GPC6: variants seen among roughly 807,000 people sequenced by gnomAD.
GPC6 encodes the protein glypican 6.
Under a neutral mutation model 55.2 loss-of-function variants are expected in GPC6, and 14 were observed. That is an observed-to-expected ratio of 0.25 (90% CI 0.17 to 0.40). GPC6 has a LOEUF of 0.40. GPC6 is among the 10% of genes least tolerant of loss of function. The pLI, the probability that GPC6 is intolerant of heterozygous loss-of-function variation, is 1.00. For missense variants in GPC6, 641 were observed against 708.5 expected, an observed-to-expected ratio of 0.90 and a Z score of 1.08; for synonymous variants, 278 against 259.6, an observed-to-expected ratio of 1.07 and a Z score of -0.68.
intron 2 of GPC6, among the ~76,000 whole-genome samples, chr13:93,747,908 C>T (rs999596108): frequency 4.6e-5 from 7 of 152,224 alleles, no homozygotes; most frequent in African/African-American, 9.6e-5. Flanking sequence ...TCCTAGACTG[C>T]GGGCCTTTCA....
chr13:94,183,915 G>A (rs923247858), intron 4 of GPC6, among the ~76,000 whole-genome samples: 14 of 152,184 alleles, frequency 9.2e-5, no homozygotes, highest in Admixed American at 8.5e-4. Flanking sequence ...ATAGACCACT[G>A]TAACAAAATA....
chr13:94,338,944 T>C (rs1401524469), intron 6 of GPC6, among the ~76,000 whole-genome samples: 2 of 152,186 alleles, frequency 1.3e-5, no homozygotes, highest in Non-Finnish European at 2.9e-5. Context: ...AGTGAGGCCA[T>C]GATCTCTGTC....
intron 3 of GPC6, among the ~76,000 whole-genome samples, chr13:93,843,594 G>C (rs1888042820): frequency 6.6e-6 from 1 of 152,134 alleles, no homozygotes; most frequent in African/African-American, 2.4e-5. Flanking sequence ...TAATTTATTT[G>C]GCATGAGCTC....
chr13:93,357,749 C>T (rs540371399), intron 1 of GPC6, among the ~76,000 whole-genome samples: 11 of 152,210 alleles, frequency 7.2e-5, no homozygotes, highest in African/African-American at 1.4e-4. Flanking sequence ...GCTGGAGGAT[C>T]GCTTGAGTCC....
intron 2 of GPC6, among the ~76,000 whole-genome samples, chr13:93,577,232 T>A (rs1424296501): frequency 6.6e-6 from 1 of 152,146 alleles, no homozygotes; most frequent in Non-Finnish European, 1.5e-5. Context: ...TTTGCTTACC[T>A]TCCAAAAATG....
rs78650704 is a variant in GPC6, at chr13:93,619,067, A to G, written c.319+73646A>G. 2.1e-3 allele frequency among the ~76,000 whole-genome samples: 314 copies of G among 152,284 alleles called. 5 individuals carry two copies. The highest frequency in any genetic ancestry group is 0.013 in the East Asian group (67 of 5,174). On this transcript the variant is annotated intron_variant, in intron 2 of 8. Transcript: ENST00000377047. ...TGTGTATCTAAAGATCTCTAAACATAGTCTCATGGGAACACCATCATATAT... is the reference window on the plus strand; with the variant it reads ...TGTGTATCTAAAGATCTCTAAACATGGTCTCATGGGAACACCATCATATAT...
intron 1 of GPC6, among the ~76,000 whole-genome samples, chr13:93,372,221 A>T (rs1874687936): frequency 2.4e-5 from 3 of 126,010 alleles, no homozygotes; most frequent in Admixed American, 2.3e-4. Context: ...ATAATATCTA[A>T]AAAAGATTTG....
chr13:93,970,134 C>A (rs1880219827), intron 3 of GPC6, among the ~76,000 whole-genome samples: 1 of 152,080 alleles, frequency 6.6e-6, no homozygotes, highest in Non-Finnish European at 1.5e-5. Flanking sequence ...AATATTTATT[C>A]TTTTCGATTT....
intron 4 of GPC6, among the ~76,000 whole-genome samples, chr13:94,149,789 C>T (rs568645162): frequency 2.6e-5 from 4 of 151,966 alleles, no homozygotes; most frequent in Non-Finnish European, 4.4e-5. Context: ...CCTGCAGAAG[C>T]AGTCACCCCC....
chr13:93,893,371 T>C (rs1225540193), intron 3 of GPC6, among the ~76,000 whole-genome samples: 1 of 152,116 alleles, frequency 6.6e-6, no homozygotes, highest in Admixed American at 6.5e-5. Flanking sequence ...AATCTTTTGA[T>C]TTTTGACAGT....
intron 4 of GPC6, among the ~76,000 whole-genome samples, chr13:94,246,722 C>CT (rs1017821849): frequency 6.6e-6 from 1 of 151,976 alleles, no homozygotes; most frequent in Non-Finnish European, 1.5e-5. Flanking sequence ...GTCTATGTGT[C>CT]TGTTTTCATG....
intron 2 of GPC6, among the ~76,000 whole-genome samples, chr13:93,632,213 A>G (rs1429132108): frequency 6.6e-6 from 1 of 152,202 alleles, no homozygotes; most frequent in African/African-American, 2.4e-5. Flanking sequence ...TCTTTTATCC[A>G]TGGCTAAGTT....
chr13:94,152,453 GAA>G (rs2138898007), intron 4 of GPC6, among the ~76,000 whole-genome samples: 2 of 152,110 alleles, frequency 1.3e-5, no homozygotes, highest in South Asian at 4.2e-4. Flanking sequence ...AAATAGTTCT[GAA>G]AACTTAGTAC....
intron 4 of GPC6, among the ~76,000 whole-genome samples, chr13:94,134,667 GA>G (rs1039546253): frequency 6.6e-6 from 1 of 151,932 alleles, no homozygotes; most frequent in Non-Finnish European, 1.5e-5. Flanking sequence ...AACCCTTAGA[GA>G]AAAAACATAT....
At chr13:94,301,655 C>T (rs527578881) in intron 5 of GPC6, among the ~76,000 whole-genome samples, 7 of 152,240 alleles carry the variant, frequency 4.6e-5, no homozygotes, top group South Asian at 2.1e-4. Context: ...ATTTGACAGA[C>T]GAGCAAACTG....
At chr13:94,272,458 C>CTTTTTTTTTTTTTTTTT in intron 4 of GPC6, among the ~76,000 whole-genome samples, 1 of 115,416 alleles carries the variant, frequency 8.7e-6, no homozygotes, top group Non-Finnish European at 1.7e-5. Flanking sequence ...CTTTTCTTTT[C>CTTTTTTTTTTTTTTTTT]TTTTCTTTTT....
chr13:93,359,545 AG>A (rs1880974059), intron 1 of GPC6, among the ~76,000 whole-genome samples: 2 of 152,348 alleles, frequency 1.3e-5, no homozygotes, highest in South Asian at 4.1e-4. Flanking sequence ...TATGTGCAAT[AG>A]TTGAATGTGC....
In GPC6 at chr13:93,228,624, G is replaced by A. The variant is rs183091606; in HGVS notation, c.160+1008G>A. Among the ~76,000 whole-genome samples, 32 of 152,252 alleles carry A rather than the reference G, an allele frequency of 2.1e-4. No homozygotes were observed. The East Asian group carries it at 5.6e-3, about 27-fold the overall frequency. On this transcript the variant is annotated intron_variant, in intron 1 of 8. Coordinates refer to ENST00000377047, the MANE Select transcript of GPC6 (RefSeq NM_005708.5). Reference sequence around the variant, plus strand: ...TGGGGCTCTGTGAATGAAACGTGTCGGGGAGAGATAATCCTTTGGCTGCTA... The same window carrying A: ...TGGGGCTCTGTGAATGAAACGTGTCAGGGAGAGATAATCCTTTGGCTGCTA...
chr13:94,189,147 T>C (rs1417454848), intron 4 of GPC6, among the ~76,000 whole-genome samples: 1 of 152,186 alleles, frequency 6.6e-6, no homozygotes, highest in East Asian at 1.9e-4. Flanking sequence ...GCTTACTCAA[T>C]TTCTCAGGTG....
Sources: allele counts gnomAD v4.1 joint callset (sites outside exome capture counted in the v4.1 genomes callset), GRCh38; gene constraint gnomAD v4.1.1; transcripts MANE v1.5; gene names NCBI Gene and HGNC (gene_info 2026-07-23, HGNC 2026-07-21).